CCT8: variants seen among roughly 807,000 people sequenced by gnomAD.
CCT8 encodes the protein chaperonin containing TCP1 subunit 8.
CCT8 carries 10 observed loss-of-function variants against 65.7 expected under a neutral mutation model. The ratio of observed to expected loss-of-function variants is 0.15; its 90% confidence interval spans 0.09 to 0.26. The LOEUF is 0.26. CCT8 is among the 10% of genes least tolerant of loss of function. CCT8 has a pLI of 1.00. For missense variants in CCT8, 568 were observed against 669.1 expected, an observed-to-expected ratio of 0.85 and a Z score of 1.67; for synonymous variants, 199 against 221.8, an observed-to-expected ratio of 0.90 and a Z score of 0.92.
chr21:29,063,102 T>C (rs765558716), intron 8 of CCT8, among the ~76,000 whole-genome samples: 3 of 152,174 alleles, frequency 2.0e-5, no homozygotes, highest in Admixed American at 6.5e-5. Flanking sequence ...CTTGGACAAG[T>C]TGTTCCTTTT....
intron 4 of CCT8, 32 bp downstream of exon 4, chr21:29,067,524 T>G (rs2085637302): frequency 7.0e-7 from 1 of 1,426,086 alleles, no homozygotes; most frequent in South Asian, 1.7e-5. Flanking sequence ...AAGCAAAAAT[T>G]TAGTAGGAGT....
chr21:29,072,123 G>T (rs551247274), intron 1 of CCT8: 1 of 606,970 alleles, frequency 1.6e-6, no homozygotes, highest in East Asian at 2.8e-5. Flanking sequence ...CAGGCTCAGG[G>T]GCTTCTCTCA....
intron 1 of CCT8, chr21:29,071,920 C>G (rs1214073588): frequency 1.4e-6 from 1 of 702,088 alleles, no homozygotes; most frequent in Middle Eastern, 2.3e-4. Context: ...CTACGTATCC[C>G]GGCCCTTGTA....
In CCT8 at chr21:29,061,993, A is replaced by T. The variant is rs1026475490; in HGVS notation, c.1212+135T>A. 1.5e-5 allele frequency: 10 copies of T among 648,460 alleles called. No homozygotes were observed. The African/African-American group carries it at 1.8e-4, about 12-fold the overall frequency. 40.2% of individuals were successfully genotyped at this position (648,460 alleles called of 1,614,324 possible). Reference sequence around the variant, plus strand: ...GACACTTAAGTCTTAGGTAAAAACAAAAACAGGTGCTTCATTTCATATAAA... The same window carrying T: ...GACACTTAAGTCTTAGGTAAAAACATAAACAGGTGCTTCATTTCATATAAA... On this transcript the variant is annotated intron_variant, in intron 11 of 14. Transcript: ENST00000286788.
At chr21:29,072,196 C>T (rs2085688524) in intron 1 of CCT8, 4 of 471,876 alleles carry the variant, frequency 8.5e-6, no homozygotes, top group Non-Finnish European at 1.5e-5. Context: ...CCTGATCCTT[C>T]TTTTACAGAC....
At chr21:29,059,573 C>T (rs1432946020) in intron 14 of CCT8, 2 of 152,218 alleles carry the variant, frequency 1.3e-5, no homozygotes, top group Non-Finnish European at 2.9e-5. Context: ...TTCTTAGCCA[C>T]ATTCTAATTT....
chr21:29,060,151 C>T (rs1277406417), intron 14 of CCT8: 1 of 153,216 alleles, frequency 6.5e-6, no homozygotes, highest in African/African-American at 2.4e-5. Flanking sequence ...GTATCTCAAG[C>T]TGTAATTTGT....
intron 14 of CCT8, chr21:29,059,546 T>G (rs2085540390): frequency 6.6e-6 from 1 of 152,252 alleles, no homozygotes; most frequent in African/African-American, 2.4e-5. Flanking sequence ...CCCTGCTATT[T>G]TTGGTTTCCC....
intron 7 of CCT8, 82 bp from the exon 8 acceptor site, chr21:29,063,612 A>T: frequency 7.1e-7 from 1 of 1,418,366 alleles, no homozygotes; most frequent in Non-Finnish European, 9.7e-7. Flanking sequence ...TTGACTGAAG[A>T]AATAAAGGTT....
At chr21:29,073,434 C>A (rs367868512) in intron 1 of CCT8, 97 bp downstream of exon 1, 20 of 1,594,148 alleles carry the variant, frequency 1.3e-5, no homozygotes, top group Middle Eastern at 1.7e-4. Flanking sequence ...TGAGCCAGGG[C>A]AGCACGCTCA....
Position 29,069,417 on chromosome 21 carries a change from A to T in CCT8, c.231+6T>A. On this transcript the variant is annotated splice_donor_region_variant and intron_variant, in intron 3 of 14. Transcript: ENST00000286788. Reference sequence around the variant, plus strand: ...TATTTCTTGACTTTTTAAAGAAACAACTTACTTCTAGTTCTCTTAAAATAG... The same window carrying T: ...TATTTCTTGACTTTTTAAAGAAACATCTTACTTCTAGTTCTCTTAAAATAG... The T allele has an allele frequency of 6.5e-7, 1 of 1,528,028 alleles. No individual in the cohort carries two copies. 94.7% of individuals were successfully genotyped at this position (1,528,028 alleles called of 1,614,324 possible). A position where few individuals can be genotyped will look rare whatever the true frequency, so the allele number is the denominator to read the frequency against.
chr21:29,056,362 C>A lies in CCT8; in HGVS notation c.*113G>T, dbSNP rs1239374642. On this transcript the variant is annotated 3_prime_UTR_variant, in exon 15 of 15. Coordinates refer to ENST00000286788, the MANE Select transcript of CCT8 (RefSeq NM_006585.4). Reference sequence around the variant, plus strand: ...CAATATGTTTATTATAACATCCAGCCAAGAATACAAACACAAAATAACTCT... The same window carrying A: ...CAATATGTTTATTATAACATCCAGCAAAGAATACAAACACAAAATAACTCT... 7.6e-6 allele frequency: 4 copies of A among 526,824 alleles called. No individual in the cohort carries two copies. The highest frequency in any genetic ancestry group is 3.9e-5 in the African/African-American group (2 of 51,128). 32.6% of individuals were successfully genotyped at this position (526,824 alleles called of 1,614,324 possible). A position where few individuals can be genotyped will look rare whatever the true frequency, so the allele number is the denominator to read the frequency against.
chr21:29,061,349 T>G lies in CCT8; in HGVS notation c.1353A>C (p.Ala451=), dbSNP rs372530141. The change falls in exon 13 of 15, where the codon GCA becomes GCC. Residue 451 remains alanine (A), a synonymous_variant. Coordinates refer to ENST00000286788, the MANE Select transcript of CCT8 (RefSeq NM_006585.4). The part of the protein sequence containing the change: ...FAEAFEAIPR[A]LAENSGVKAN... ...CCTTAACTCCAGAGTTTTCTGCCAG[T>G]GCGCGGGGAATAGCTTCAAATGCCT... is the stretch of plus-strand genomic sequence containing the variant. 6.2e-7 allele frequency: 1 copy of G among 1,613,912 alleles called. No homozygotes were observed. The highest frequency in any genetic ancestry group is 1.7e-5 in the Admixed American group (1 of 60,004).
At chr21:29,058,020 A>G (rs959743656) in intron 14 of CCT8, 8 of 150,258 alleles carry the variant, frequency 5.3e-5, no homozygotes, top group Admixed American at 1.3e-4. Context: ...CCTTATCACA[A>G]CAACAACAAA....
At chr21:29,067,463 G>T in intron 4 of CCT8, 93 bp downstream of exon 4, 1 of 983,416 alleles carries the variant, frequency 1.0e-6, no homozygotes, top group Non-Finnish European at 1.4e-6. Flanking sequence ...GTGCATGTTA[G>T]CTACTACTAT....
chr21:29,063,542 A>T lies in CCT8; in HGVS notation c.763-12T>A, dbSNP rs1258356386. ...ATCAACACTGTTCCCTGGCAAAACA[A>T]GTAAACATTCCCTTTAAAATCATTT... On this transcript the variant is annotated splice_polypyrimidine_tract_variant and intron_variant, in intron 7 of 14. Transcript: ENST00000286788. 1 of 1,611,002 alleles carries T rather than the reference A, an allele frequency of 6.2e-7. No homozygotes were observed. Among genetic ancestry groups the T allele is most frequent in the African/African-American group, 1.3e-5 (1 of 74,890 alleles).
At position 29,061,371 on chromosome 21, in the gene CCT8, G is replaced by A. The variant is rs775059890; in HGVS notation, c.1331C>T (p.Ala444Val). 8 of 1,613,998 alleles carry A rather than the reference G, an allele frequency of 5.0e-6. No homozygotes were observed. The highest frequency in any genetic ancestry group is 5.9e-6 in the Non-Finnish European group (7 of 1,179,934). The part of the protein sequence containing the change: ...EQYAIKKFAE[A>V]FEAIPRALAE... ...CAGTGCGCGGGGAATAGCTTCAAAT[G>A]CCTCAGCAAACTTCTTAATAGCATA... The change falls in exon 13 of 15, where the codon GCA (alanine) becomes GTA (valine). Residue 444 changes from alanine to valine, a missense_variant. By Grantham distance (64) the Ala-to-Val change is moderately conservative. Transcript: ENST00000286788.
At position 29,061,335 on chromosome 21, in the gene CCT8, G is replaced by A. The variant is rs1267697511; in HGVS notation, c.1367C>T (p.Ser456Phe). 1.9e-6 allele frequency: 3 copies of A among 1,613,848 alleles called. No individual in the cohort carries two copies. Among genetic ancestry groups the A allele is most frequent in the African/African-American group, 2.7e-5 (2 of 74,884 alleles). ...GATTACTTCATTGGCCTTAACTCCAGAGTTTTCTGCCAGTGCGCGGGGAAT... is the reference window on the plus strand; with the variant it reads ...GATTACTTCATTGGCCTTAACTCCAAAGTTTTCTGCCAGTGCGCGGGGAAT... ...EAIPRALAEN[S>F]GVKANEVISK... Residue 456 changes from serine (S) to phenylalanine (F), a missense_variant, in exon 13 of 15, where the codon TCT (serine) becomes TTT (phenylalanine). Ser to Phe is a radical substitution (Grantham distance 155). Transcript: ENST00000286788.
chr21:29,056,626 C>T (rs2085501889), intron 14 of CCT8, 74 bp from the exon 15 acceptor site: 2 of 927,584 alleles, frequency 2.2e-6, no homozygotes, highest in Non-Finnish European at 3.1e-6. Flanking sequence ...CTTCTATTAG[C>T]ATGATTTAAG....
Sources: allele counts gnomAD v4.1 joint callset (sites outside exome capture counted in the v4.1 genomes callset), GRCh38; gene constraint gnomAD v4.1.1; transcripts MANE v1.5; gene names NCBI Gene and HGNC (gene_info 2026-07-23, HGNC 2026-07-21).